FRMPD1: variants seen among roughly 807,000 people sequenced by gnomAD.
FRMPD1 encodes FERM and PDZ domain containing 1, also known as FERM and PDZ domain-containing protein 1.
A neutral mutation model predicts 117.8 loss-of-function variants in FRMPD1; 76 were observed. The ratio of observed to expected loss-of-function variants is 0.65; its 90% CI spans 0.54 to 0.78. The LOEUF (loss-of-function observed/expected upper bound fraction) is 0.78, where lower values mean the gene tolerates loss of function less well. Among genes scored for constraint, FRMPD1 ranks in the 30% least tolerant of loss-of-function variants. The pLI, the probability that FRMPD1 is intolerant of heterozygous loss-of-function variation, is 0.00. For synonymous variants in FRMPD1, 783 were observed against 770.4 expected, an observed-to-expected ratio of 1.02 and a Z score of -0.27; for missense variants, 1,786 against 1,964.5, an observed-to-expected ratio of 0.91 and a Z score of 1.72.
At chr9:37,727,382 G>A (rs76032942) in intron 7 of FRMPD1, among the ~76,000 whole-genome samples, 1,554 of 152,200 alleles carry the variant, frequency 0.01, 27 homozygotes, top group African/African-American at 0.034. Context: ...AAATGCGCAT[G>A]GCTATATTCC....
Position 37,740,434 on chromosome 9 carries a change from G to A in FRMPD1, c.1906G>A (p.Ala636Thr), listed in dbSNP as rs755679520. Residue 636 changes from alanine (A) to threonine (T), a missense_variant, in exon 15 of 16, where the codon GCA becomes ACA. Ala to Thr is a moderately conservative substitution (Grantham distance 58). Transcript: ENST00000377765. The surrounding 1 kb of genome is among the most constrained non-coding windows in gnomAD (Gnocchi z 4.2). ...CTTCCACTTTGGCTCGCCAGGCCTCGCAGAGAGCATTGACTCTGACAGCCA... is the reference window on the plus strand; with the variant it reads ...CTTCCACTTTGGCTCGCCAGGCCTCACAGAGAGCATTGACTCTGACAGCCA... ...TFFHFGSPGL[A>T]ESIDSDSQEE... The A allele has an allele frequency of 2.5e-5, 40 of 1,614,008 alleles. No individual in the cohort carries two copies. The highest frequency in any genetic ancestry group is 1.3e-4 in the East Asian group (6 of 44,894).
intron 1 of FRMPD1, among the ~76,000 whole-genome samples, chr9:37,676,766 A>G (rs763883065): frequency 1.3e-5 from 2 of 152,188 alleles, no homozygotes; most frequent in Admixed American, 6.5e-5. Flanking sequence ...CCCCATGCAG[A>G]GATGAGCGAG....
the FRMPD1 span, among the ~76,000 whole-genome samples, chr9:37,617,035 TAA>T: frequency 3.3e-5 from 5 of 152,248 alleles, no homozygotes; most frequent in African/African-American, 1.2e-4. Flanking sequence ...CAGACCATGA[TAA>T]GAGTCATTAT....
At chr9:37,611,687 C>T in the FRMPD1 span, among the ~76,000 whole-genome samples, 1 of 146,454 alleles carries the variant, frequency 6.8e-6, no homozygotes, top group Admixed American at 6.7e-5. Flanking sequence ...GGTAATACAC[C>T]CTTTATTTCA....
chr9:37,697,806 A>AT (rs921093618), intron 2 of FRMPD1, among the ~76,000 whole-genome samples: 1 of 151,862 alleles, frequency 6.6e-6, no homozygotes, highest in Non-Finnish European at 1.5e-5. Context: ...ATGATAGTAT[A>AT]TTTTTCCACT....
chr9:37,717,369 G>GTGTGTGTGTGTATATA (rs1407798527), intron 5 of FRMPD1, among the ~76,000 whole-genome samples: 40 of 94,122 alleles, frequency 4.2e-4, no homozygotes, highest in Non-Finnish European at 6.8e-4. Context: ...GTGTGTGTGT[G>GTGTGTGTGTGTATATA]TATATATATA....
chr9:37,676,746 C>T (rs1036668756), intron 1 of FRMPD1, among the ~76,000 whole-genome samples: 4 of 152,192 alleles, frequency 2.6e-5, no homozygotes, highest in African/African-American at 7.2e-5. Flanking sequence ...AGCAATCAGC[C>T]GTTCCTAAGC....
Position 37,744,985 on chromosome 9 carries a change from A to C in FRMPD1, c.2953A>C (p.Arg985=). The C allele has an allele frequency of 6.2e-7, 1 of 1,614,194 alleles. No individual in the cohort carries two copies. Among genetic ancestry groups the C allele is most frequent in the South Asian group, 1.1e-5 (1 of 91,080 alleles). ...ATCTGGCCCAGATACTGCTCAGGCA[A>C]GGCCTTCCCAAATCTTACCTCTATC... The part of the protein sequence containing the change: ...GSSGPDTAQA[R]PSQILPLSQD... The change falls in exon 16 of 16, where the codon AGG becomes CGG. Residue 985 remains arginine (R), a synonymous_variant. Coordinates refer to ENST00000377765, the MANE Select transcript of FRMPD1 (RefSeq NM_014907.3).
chr9:37,733,836 G>A lies in FRMPD1; in HGVS notation c.1218+11G>A. On this transcript the variant is annotated intron_variant, in intron 12 of 15. Coordinates refer to ENST00000377765, the MANE Select transcript of FRMPD1 (RefSeq NM_014907.3). Reference sequence around the variant, plus strand: ...AATGCTACTTTAATGGTATGTATTAGAGAACTGTGAAATCCTACTCACGTA... The same window carrying A: ...AATGCTACTTTAATGGTATGTATTAAAGAACTGTGAAATCCTACTCACGTA... 1 of 1,387,526 alleles carries A rather than the reference G, an allele frequency of 7.2e-7. No homozygotes were observed. Among genetic ancestry groups the A allele is most frequent in the Non-Finnish European group, 1.0e-6 (1 of 973,486 alleles). 86.0% of individuals were successfully genotyped at this position (1,387,526 alleles called of 1,614,324 possible).
chr9:37,711,519 C>T (rs761588088), intron 5 of FRMPD1, 124 bp downstream of exon 5: 66 of 755,932 alleles, frequency 8.7e-5, no homozygotes, highest in South Asian at 1.8e-4. Context: ...GACAGCTGCC[C>T]GGCAGTGGGT....
chr9:37,626,735 G>A, the FRMPD1 span, among the ~76,000 whole-genome samples: 6 of 151,688 alleles, frequency 4.0e-5, no homozygotes, highest in Admixed American at 1.3e-4. Context: ...GTTGCATTGA[G>A]CTGTGATCGG....
rs1360934217 is a variant in FRMPD1 at position 37,692,825 on chromosome 9, T to C, written c.101+83T>C. On this transcript the variant is annotated intron_variant, in intron 2 of 15. Transcript: ENST00000377765. ...AGCTTGTGCTGGTCCTGGCCGCACC[T>C]TGGGATTGCTGTCTCCGGCTTGCTT... The C allele has an allele frequency of 5.7e-5, 55 of 964,840 alleles. No individual in the cohort carries two copies. In the East Asian group the frequency reaches 1.3e-3, roughly 22 times the overall value. 59.8% of individuals were successfully genotyped at this position (964,840 alleles called of 1,614,324 possible). A position where few individuals can be genotyped will look rare whatever the true frequency, so the allele number is the denominator to read the frequency against.
intron 11 of FRMPD1, 58 bp from the exon 12 acceptor site, chr9:37,733,671 GC>G: frequency 6.3e-7 from 1 of 1,597,288 alleles, no homozygotes; most frequent in Admixed American, 1.7e-5. Flanking sequence ...TTTCAACACT[GC>G]CTGGATTTTA....
At chr9:37,728,411 T>C (rs1823707693) in intron 7 of FRMPD1, among the ~76,000 whole-genome samples, 1 of 152,158 alleles carries the variant, frequency 6.6e-6, no homozygotes, top group African/African-American at 2.4e-5. Flanking sequence ...ACATTTGGAC[T>C]GAAACTCGAA....
chr9:37,694,744 G>T (rs1378918211), intron 2 of FRMPD1, among the ~76,000 whole-genome samples: 1 of 152,008 alleles, frequency 6.6e-6, no homozygotes, highest in Admixed American at 6.6e-5. Context: ...TCACATAAAT[G>T]GAATTATACA....
rs1824341585 is a variant in FRMPD1 at position 37,740,489 on chromosome 9, G to C, written c.1961G>C (p.Gly654Ala). ...GAGAGAAGCGGGATTGAAACCAGTG[G>C]CTTCCTCTGTCTCCTGGACCTGGCC... Reference protein sequence around the residue: ...QEERSGIETSGFLCLLDLAQR... With the variant: ...QEERSGIETSAFLCLLDLAQR... The change falls in exon 15 of 16, where the codon GGC becomes GCC. Residue 654 changes from glycine (G) to alanine (A), a missense_variant. By Grantham distance (60) the Gly-to-Ala change is moderately conservative. Coordinates refer to ENST00000377765, the MANE Select transcript of FRMPD1 (RefSeq NM_014907.3). This position sits in a 1 kb window ranked among gnomAD's most constrained non-coding sequence, Gnocchi z 4.2. 3 of 1,614,046 alleles carry C rather than the reference G, an allele frequency of 1.9e-6. No individual in the cohort carries two copies. The highest frequency in any genetic ancestry group is 2.5e-6 in the Non-Finnish European group (3 of 1,180,042).
At chr9:37,681,799 G>A (rs1382149550) in intron 1 of FRMPD1, among the ~76,000 whole-genome samples, 2 of 152,212 alleles carry the variant, frequency 1.3e-5, no homozygotes, top group Non-Finnish European at 2.9e-5. Context: ...TGCAAGGATT[G>A]TAAAGAAACA....
chr9:37,679,516 A>G (rs1208071287), intron 1 of FRMPD1, among the ~76,000 whole-genome samples: 1 of 152,124 alleles, frequency 6.6e-6, no homozygotes, highest in East Asian at 1.9e-4. Context: ...CTCTTTCACT[A>G]TCACTCCTCC....
intron 2 of FRMPD1, 74 bp downstream of exon 2, chr9:37,692,816 G>T (rs1175495709): frequency 9.5e-7 from 1 of 1,054,466 alleles, no homozygotes; most frequent in Non-Finnish European, 1.5e-6. Flanking sequence ...TGCTGGTCCT[G>T]GCCGCACCTT....
Sources: gnomAD v4.1 joint callset for allele counts (sites outside exome capture counted in the v4.1 genomes callset) on GRCh38, gnomAD v4.1.1 for gene constraint, Gnocchi (gnomAD v3.1) non-coding constraint, MANE v1.5 for transcripts, NCBI Gene and HGNC (gene_info 2026-07-23, HGNC 2026-07-21) for gene names.